DTL: variants seen among roughly 807,000 people sequenced by gnomAD.
The protein encoded by DTL is denticleless E3 ubiquitin protein ligase adapter.
A neutral mutation model predicts 87.0 loss-of-function variants in DTL; 46 were observed. The observed-to-expected ratio is 0.53, with a 90% CI of 0.42 to 0.68. DTL has a LOEUF of 0.68. Ranked by LOEUF, DTL falls within the 30% of genes least tolerant of loss-of-function variation. The pLI is 0.00. For synonymous variants in DTL, 308 were observed against 311.2 expected, an observed-to-expected ratio of 0.99 and a Z score of 0.11; for missense variants, 737 against 869.4, an observed-to-expected ratio of 0.85 and a Z score of 1.91.
intron 13 of DTL, among the ~76,000 whole-genome samples, chr1:212,092,427 G>A (rs2102580102): frequency 1.3e-5 from 2 of 152,244 alleles, no homozygotes; most frequent in South Asian, 4.1e-4. Flanking sequence ...CTACTTGGGA[G>A]GCTGAGTCAG....
At chr1:212,095,963 T>C (rs899055099) in intron 13 of DTL, among the ~76,000 whole-genome samples, 5 of 152,244 alleles carry the variant, frequency 3.3e-5, no homozygotes, top group African/African-American at 1.2e-4. Context: ...CTTCTTTGAA[T>C]GTCTGATAGA....
chr1:212,096,056 T>A (rs1655436191), intron 13 of DTL, among the ~76,000 whole-genome samples: 1 of 150,862 alleles, frequency 6.6e-6, no homozygotes, highest in African/African-American at 2.4e-5. Flanking sequence ...TGCTTGTTAT[T>A]GGTCTGTTCA....
chr1:212,042,971 A>G (rs763343189), intron 1 of DTL, 22 bp from the exon 2 acceptor site: 6 of 1,575,414 alleles, frequency 3.8e-6, no homozygotes, highest in East Asian at 2.3e-5. Flanking sequence ...TTGGAATTCT[A>G]TAAGGAATTA....
At chr1:212,045,261 T>C (rs1026306065) in intron 3 of DTL, among the ~76,000 whole-genome samples, 4 of 152,248 alleles carry the variant, frequency 2.6e-5, no homozygotes, top group South Asian at 2.1e-4. Flanking sequence ...CCCAATGATA[T>C]TAACTTCTGA....
intron 11 of DTL, 70 bp from the exon 12 acceptor site, chr1:212,078,103 T>G (rs1280448211): frequency 5.3e-6 from 5 of 941,222 alleles, no homozygotes; most frequent in Non-Finnish European, 8.7e-6. Context: ...GACACACTTC[T>G]GAATTCAAAG....
intron 10 of DTL, among the ~76,000 whole-genome samples, chr1:212,069,492 C>T (rs1654607341): frequency 6.6e-6 from 1 of 151,924 alleles, no homozygotes; most frequent in African/African-American, 2.4e-5. Flanking sequence ...AACAAGAAAT[C>T]TCAAGTACAG....
chr1:212,066,851 G>C lies in DTL; in HGVS notation c.679G>C (p.Glu227Gln). 1 of 1,613,884 alleles carries C rather than the reference G, an allele frequency of 6.2e-7. No homozygotes were observed. Among genetic ancestry groups the C allele is most frequent in the Non-Finnish European group, 8.5e-7 (1 of 1,179,858 alleles). Residue 227 changes from glutamate to glutamine, a missense_variant, in exon 8 of 15, where the codon GAG (glutamate) becomes CAG (glutamine). Physicochemically the swap from Glu to Gln is conservative, Grantham distance 29 (BLOSUM62 2). Coordinates refer to ENST00000366991, the MANE Select transcript of DTL (RefSeq NM_016448.4). ...TGTTACTGTGGTCCTCTTTCAAGAC[G>C]AGAATACCTTAGTCTCAGCAGGAGC... ...QSVTVVLFQD[E>Q]NTLVSAGAVD...
intron 14 of DTL, among the ~76,000 whole-genome samples, chr1:212,102,413 T>C (rs1655649685): frequency 1.3e-5 from 2 of 152,226 alleles, no homozygotes; most frequent in Admixed American, 1.3e-4. Flanking sequence ...GGTCTTGTAA[T>C]TTATTTGAAG....
chr1:212,087,131 G>A (rs73089296), intron 13 of DTL, among the ~76,000 whole-genome samples: 5,204 of 152,274 alleles, frequency 0.034, 298 homozygotes, highest in African/African-American at 0.12. Context: ...GAAGGTCAAG[G>A]AAGTTAGACT....
At chr1:212,056,018 C>T (rs1310239230) in intron 5 of DTL, among the ~76,000 whole-genome samples, 1 of 152,222 alleles carries the variant, frequency 6.6e-6, no homozygotes, top group African/African-American at 2.4e-5. Flanking sequence ...CAACCTGTCA[C>T]AGCCACCGCC....
chr1:212,067,120 AAGAGCAGTGGT>A (rs1470182818), intron 8 of DTL, among the ~76,000 whole-genome samples: 1 of 152,260 alleles, frequency 6.6e-6, no homozygotes, highest in African/African-American at 2.4e-5. Flanking sequence ...TCTAGCACAT[AAGAGCAGTGGT>A]AGCTGCTGTT....
At chr1:212,084,551 A>G (rs573580267) in intron 13 of DTL, among the ~76,000 whole-genome samples, 2 of 152,304 alleles carry the variant, frequency 1.3e-5, no homozygotes, top group African/African-American at 2.4e-5. Context: ...ACAACAGTGA[A>G]TAAGATAAAT....
At chr1:212,046,503 C>T (rs905287536) in intron 3 of DTL, among the ~76,000 whole-genome samples, 8 of 152,110 alleles carry the variant, frequency 5.3e-5, no homozygotes, top group Admixed American at 3.3e-4. Context: ...CATGTGTTCT[C>T]GTTGTTCAGC....
At chr1:212,052,128 T>C (rs149074698) in intron 5 of DTL, 2 of 675,400 alleles carry the variant, frequency 3.0e-6, no homozygotes, top group African/African-American at 1.8e-5. Context: ...CTGCTTTCAT[T>C]GAGAACTCTG....
intron 5 of DTL, among the ~76,000 whole-genome samples, chr1:212,057,672 G>A (rs1429954426): frequency 1.3e-5 from 2 of 151,168 alleles, no homozygotes; most frequent in Non-Finnish European, 3.0e-5. Flanking sequence ...GAGAAAGGAA[G>A]GAACAAAGGA....
chr1:212,098,722 G>T (rs1655522315), intron 13 of DTL, among the ~76,000 whole-genome samples: 1 of 151,976 alleles, frequency 6.6e-6, no homozygotes, highest in Non-Finnish European at 1.5e-5. Flanking sequence ...AGCCAGCAAG[G>T]CCAGTCTCAC....
chr1:212,084,951 A>G (rs1655086139), intron 13 of DTL, among the ~76,000 whole-genome samples: 3 of 152,224 alleles, frequency 2.0e-5, no homozygotes, highest in South Asian at 4.1e-4. Context: ...GTATTTGCCT[A>G]TAACCTATGT....
rs1266862012 is a variant in DTL at position 212,104,456 on chromosome 1, A to G, written c.*1516A>G. 1.3e-5 allele frequency: 2 copies of G among 152,216 alleles called. No individual in the cohort carries two copies. Among genetic ancestry groups the G allele is most frequent in the Admixed American group, 1.3e-4 (2 of 15,270 alleles). The allele number at this position is 152,216 out of a possible 1,614,324, so 9.4% of individuals were successfully genotyped here. A position where few individuals can be genotyped will look rare whatever the true frequency, so the allele number is the denominator to read the frequency against. The stretch of plus-strand genomic sequence containing the variant: ...CCATAGCCTTAACTGAATATTTAGG[A>G]AATCTGCCTAATCTGCTTATATTTG... On this transcript the variant is annotated 3_prime_UTR_variant, in exon 15 of 15. Transcript: ENST00000366991.
At chr1:212,069,548 ATTTT>A (rs397863295) in intron 10 of DTL, among the ~76,000 whole-genome samples, 1 of 144,564 alleles carries the variant, frequency 6.9e-6, no homozygotes, top group Non-Finnish European at 1.5e-5. Context: ...ATAGATATAA[ATTTT>A]TTTTTTTTTT....
Sources: allele counts gnomAD v4.1 joint callset (sites outside exome capture counted in the v4.1 genomes callset), GRCh38; gene constraint gnomAD v4.1.1; transcripts MANE v1.5; gene names NCBI Gene and HGNC (gene_info 2026-07-23, HGNC 2026-07-21).